The following CNTNAP2 variants were observed in gnomAD, a reference collection of about 807,000 sequenced individuals.
CNTNAP2 encodes contactin-associated protein-like 2.
A neutral mutation model predicts 155.2 loss-of-function variants in CNTNAP2; 98 were observed. That is an observed-to-expected ratio of 0.63 (90% CI 0.54 to 0.75). The LOEUF is 0.75. CNTNAP2 is among the 30% of genes least tolerant of loss of function. The pLI is 0.00. For missense variants in CNTNAP2, 1,727 were observed against 1,688.1 expected (o/e 1.02, Z -0.40); for synonymous variants, 651 against 631.2 (o/e 1.03, Z -0.47).
At chr7:148,287,393 C>T (rs1797102532) in intron 21 of CNTNAP2, among the ~76,000 whole-genome samples, 1 of 152,190 alleles carries the variant, frequency 6.6e-6, no homozygotes, top group South Asian at 2.1e-4. Context: ...CAGCTTCGCT[C>T]ATAATTGTAT....
In CNTNAP2 at chr7:146,971,016, A is replaced by T. The variant is rs1024511443; in HGVS notation, c.403-72891A>T. ...CATAGGCAGGAATTGAACAATGAGA[A>T]CACATGGACACAGGAAGGGGAACAT... On this transcript the variant is annotated intron_variant, in intron 3 of 23. Coordinates refer to ENST00000361727, the MANE Select transcript of CNTNAP2 (RefSeq NM_014141.6). Among the ~76,000 whole-genome samples the T allele has an allele frequency of 3.3e-5, 5 of 152,142 alleles. No individual in the cohort carries two copies. The South Asian group carries it at 1.0e-3, about 32-fold the overall frequency.
chr7:147,309,829 C>T (rs993077305), intron 9 of CNTNAP2, among the ~76,000 whole-genome samples: 15 of 152,030 alleles, frequency 9.9e-5, no homozygotes, highest in African/African-American at 3.1e-4. Context: ...ATTATTTCAT[C>T]ACCCAGGTGT....
At chr7:147,131,649 A>G (rs1351874432) in intron 7 of CNTNAP2, among the ~76,000 whole-genome samples, 7 of 152,098 alleles carry the variant, frequency 4.6e-5, no homozygotes, top group Non-Finnish European at 1.0e-4. Context: ...GGATACTAAA[A>G]TAATCTCCAA....
chr7:148,388,473 C>A lies in CNTNAP2; in HGVS notation c.3715+4585C>A, dbSNP rs1437939983. 3.9e-5 allele frequency among the ~76,000 whole-genome samples: 6 copies of A among 152,070 alleles called. No individual in the cohort carries two copies. The East Asian group carries it at 9.7e-4, about 24-fold the overall frequency. Reference sequence around the variant, plus strand: ...TCCATGTCCCTAGAAAGGACATGAACTCATCATTTTTTATGGCTGCACAGT... The same window carrying A: ...TCCATGTCCCTAGAAAGGACATGAAATCATCATTTTTTATGGCTGCACAGT... On this transcript the variant is annotated intron_variant, in intron 22 of 23. Transcript: ENST00000361727.
At chr7:147,220,465 T>C (rs888762859) in intron 8 of CNTNAP2, among the ~76,000 whole-genome samples, 4 of 152,352 alleles carry the variant, frequency 2.6e-5, no homozygotes, top group African/African-American at 9.6e-5. Context: ...ATTTAGACAA[T>C]TGATGTTCAA....
At chr7:147,653,998 G>A (rs985064515) in intron 13 of CNTNAP2, among the ~76,000 whole-genome samples, 13 of 152,250 alleles carry the variant, frequency 8.5e-5, no homozygotes, top group East Asian at 1.9e-4. Context: ...ATATGTAAAC[G>A]AGGACAAACA....
chr7:147,906,740 G>A (rs893361817), intron 14 of CNTNAP2, among the ~76,000 whole-genome samples: 4 of 152,000 alleles, frequency 2.6e-5, no homozygotes, highest in African/African-American at 9.7e-5. Context: ...GATTATAGGC[G>A]TGAGCCACGG....
chr7:147,403,542 G>C (rs1225097360), intron 10 of CNTNAP2, among the ~76,000 whole-genome samples: 3 of 152,202 alleles, frequency 2.0e-5, no homozygotes, highest in Non-Finnish European at 4.4e-5. Flanking sequence ...GGGACTGAAT[G>C]CTGAGGTGAC....
intron 3 of CNTNAP2, among the ~76,000 whole-genome samples, chr7:147,028,638 C>T (rs905242563): frequency 6.6e-6 from 1 of 152,142 alleles, no homozygotes; most frequent in African/African-American, 2.4e-5. Context: ...CTAGACCACA[C>T]TTTATTAATC....
chr7:147,691,328 T>C (rs1458892991), intron 13 of CNTNAP2, among the ~76,000 whole-genome samples: 5 of 152,138 alleles, frequency 3.3e-5, no homozygotes, highest in Non-Finnish European at 7.4e-5. Context: ...AAAAAAGCAG[T>C]AAGTCAAACC....
chr7:147,081,764 A>C (rs1223801693), intron 4 of CNTNAP2: 3 of 152,200 alleles, frequency 2.0e-5, no homozygotes, highest in African/African-American at 4.8e-5. Context: ...AGATTCATTA[A>C]TCTTAAAGGC....
chr7:147,423,827 C>T (rs1338260859), intron 10 of CNTNAP2, among the ~76,000 whole-genome samples: 1 of 152,176 alleles, frequency 6.6e-6, no homozygotes, highest in African/African-American at 2.4e-5. Flanking sequence ...ACAAAAGTTA[C>T]ATCTATGTCT....
chr7:148,164,968 G>T (rs762379149), intron 17 of CNTNAP2, among the ~76,000 whole-genome samples: 1 of 151,960 alleles, frequency 6.6e-6, no homozygotes, highest in African/African-American at 2.4e-5. Context: ...ACTTTCCATG[G>T]AAACAGTGCA....
intron 1 of CNTNAP2, among the ~76,000 whole-genome samples, chr7:146,168,934 C>G (rs1798350750): frequency 6.6e-6 from 1 of 152,152 alleles, no homozygotes; most frequent in Non-Finnish European, 1.5e-5. Flanking sequence ...TACCTCTTCC[C>G]TCATAACCTA....
rs555831793 is a variant in CNTNAP2 at position 147,017,778 on chromosome 7, T to C, written c.403-26129T>C. ...GCATATATCAAAGATTTATTTAACT[T>C]ATTCATGAGGAAACTAGCAGAATAC... is the stretch of plus-strand genomic sequence containing the variant. On this transcript the variant is annotated intron_variant, in intron 3 of 23. Coordinates refer to ENST00000361727, the MANE Select transcript of CNTNAP2 (RefSeq NM_014141.6). 2.0e-5 allele frequency among the ~76,000 whole-genome samples: 3 copies of C among 152,228 alleles called. No individual in the cohort carries two copies. In the South Asian group the frequency reaches 6.2e-4, roughly 32 times the overall value.
chr7:147,883,873 A>C (rs2116720206), intron 13 of CNTNAP2, among the ~76,000 whole-genome samples: 1 of 152,346 alleles, frequency 6.6e-6, no homozygotes, highest in South Asian at 2.1e-4. Context: ...TTTATCAGAA[A>C]CCAAAACAAC....
intron 4 of CNTNAP2, among the ~76,000 whole-genome samples, chr7:147,059,205 G>T (rs910879927): frequency 5.3e-5 from 8 of 152,192 alleles, no homozygotes; most frequent in Admixed American, 2.0e-4. Context: ...GCCTAGAGGG[G>T]CATAATACAC....
intron 9 of CNTNAP2, among the ~76,000 whole-genome samples, chr7:147,310,020 T>G (rs1795094277): frequency 6.6e-6 from 1 of 152,116 alleles, no homozygotes; most frequent in Non-Finnish European, 1.5e-5. Flanking sequence ...AAAAAAGGAA[T>G]TACACATTGA....
chr7:146,743,529 C>T (rs1801755157), intron 1 of CNTNAP2, among the ~76,000 whole-genome samples: 1 of 151,078 alleles, frequency 6.6e-6, no homozygotes, highest in African/African-American at 2.4e-5. Context: ...TTTTTGGAAG[C>T]TCTAGAGTAA....
Sources: gnomAD v4.1 joint callset for allele counts (sites outside exome capture counted in the v4.1 genomes callset) on GRCh38, gnomAD v4.1.1 for gene constraint, MANE v1.5 for transcripts, NCBI Gene and HGNC (gene_info 2026-07-23, HGNC 2026-07-21) for gene names.